ZC3H13: variants seen among roughly 807,000 people sequenced by gnomAD.
The protein encoded by ZC3H13 is zinc finger CCCH-type containing 13.
ZC3H13 carries 64 observed loss-of-function variants against 204.1 expected under a neutral mutation model. That is an observed-to-expected ratio of 0.31 (90% CI 0.26 to 0.39). The LOEUF is 0.39. Among genes scored for constraint, ZC3H13 ranks in the 10% least tolerant of loss-of-function variants. The probability of loss-of-function intolerance (pLI) is 1.00; values close to 1 mark genes in which losing one functional copy is unlikely to be tolerated. For missense variants in ZC3H13, 1,833 were observed against 2,082.7 expected, an observed-to-expected ratio of 0.88 and a Z score of 2.33; for synonymous variants, 667 against 693.7, an observed-to-expected ratio of 0.96 and a Z score of 0.60.
In ZC3H13 at chr13:46,006,891, G is replaced by T. The variant is rs146800677; in HGVS notation, c.746+3457C>A. Among the ~76,000 whole-genome samples the T allele has an allele frequency of 2.6e-3, 389 of 151,208 alleles. 1 individual carries two copies. Among genetic ancestry groups the T allele is most frequent in the African/African-American group, 9.2e-3 (377 of 41,138 alleles). On this transcript the variant is annotated intron_variant, in intron 7 of 18. Coordinates refer to ENST00000679008, the MANE Select transcript of ZC3H13 (RefSeq NM_001330564.2). ...TACTAAAATATGACGACTAAATCTA[G>T]TTTTCATCCTTGTCTTCTGCCAACA... is the stretch of plus-strand genomic sequence containing the variant.
At chr13:46,020,694 AC>A in intron 4 of ZC3H13, 137 bp from the exon 5 acceptor site, 1 of 602,328 alleles carries the variant, frequency 1.7e-6, no homozygotes, top group Non-Finnish European at 2.8e-6. Context: ...TCACTTATCC[AC>A]TAAGTAGAGA....
chr13:46,033,369 G>A (rs1311544366), intron 4 of ZC3H13, among the ~76,000 whole-genome samples: 1 of 151,942 alleles, frequency 6.6e-6, no homozygotes, highest in East Asian at 1.9e-4. Flanking sequence ...GAACTATATA[G>A]AAACCTTAAG....
At chr13:46,000,089 C>A (rs2040630492) in intron 8 of ZC3H13, among the ~76,000 whole-genome samples, 1 of 152,174 alleles carries the variant, frequency 6.6e-6, no homozygotes, top group Non-Finnish European at 1.5e-5. Flanking sequence ...CTTAAGAGCA[C>A]AGGCAAAGTA....
intron 4 of ZC3H13, among the ~76,000 whole-genome samples, chr13:46,020,871 A>C (rs558441177): frequency 6.6e-6 from 1 of 152,228 alleles, no homozygotes; most frequent in Non-Finnish European, 1.5e-5. Flanking sequence ...AGATGTAAAA[A>C]TATACAATGC....
intron 8 of ZC3H13, among the ~76,000 whole-genome samples, chr13:45,995,990 C>T (rs1361952797): frequency 6.6e-6 from 1 of 152,158 alleles, no homozygotes; most frequent in African/African-American, 2.4e-5. Flanking sequence ...TACAACCTAG[C>T]ATTATGATTA....
At position 46,042,206 on chromosome 13, in the gene ZC3H13, C is replaced by A; in HGVS notation, c.297G>T (p.Glu99Asp). 1 of 1,613,572 alleles carries A rather than the reference C, an allele frequency of 6.2e-7. No homozygotes were observed. The highest frequency in any genetic ancestry group is 8.5e-7 in the Non-Finnish European group (1 of 1,179,584). ...MKNKRQDVDT[E>D]PQKRNTEESS... ...ACTCCTCTGTATTTCGTTTCTGGGGCTCAGTGTCCACGTCTTGGCGCTTGT... is the reference window on the plus strand; with the variant it reads ...ACTCCTCTGTATTTCGTTTCTGGGGATCAGTGTCCACGTCTTGGCGCTTGT... The change falls in exon 4 of 19, where the codon GAG (glutamate) becomes GAT (aspartate). Residue 99 changes from glutamate (E) to aspartate (D), a missense_variant. Physicochemically the swap from Glu to Asp is conservative, Grantham distance 45 (BLOSUM62 2). This residue lies in a region of ZC3H13 where 1,574 missense variants were observed against 1,757.2 expected (regional missense o/e 0.90). Coordinates refer to ENST00000679008, the MANE Select transcript of ZC3H13 (RefSeq NM_001330564.2).
At chr13:45,987,916 T>C (rs1052564387) in intron 9 of ZC3H13, among the ~76,000 whole-genome samples, 3 of 152,150 alleles carry the variant, frequency 2.0e-5, no homozygotes, top group Admixed American at 6.5e-5. Flanking sequence ...CAGGTAACAA[T>C]AAAATCTCAG....
rs140151654 is a variant in ZC3H13, at chr13:45,993,450, T to C, written c.945-4353A>G. Among the ~76,000 whole-genome samples the C allele has an allele frequency of 2.7e-3, 412 of 151,862 alleles. 4 individuals are homozygous for C. Among genetic ancestry groups the C allele is most frequent in the African/African-American group, 9.3e-3 (384 of 41,432 alleles). ...TTAGGATCAATAAGCACAAAGGAGGTAGGAGGGATCTTGATGTATAAGAAT... is the reference window on the plus strand; with the variant it reads ...TTAGGATCAATAAGCACAAAGGAGGCAGGAGGGATCTTGATGTATAAGAAT... On this transcript the variant is annotated intron_variant, in intron 8 of 18. Coordinates refer to ENST00000679008, the MANE Select transcript of ZC3H13 (RefSeq NM_001330564.2).
intron 4 of ZC3H13, among the ~76,000 whole-genome samples, chr13:46,038,396 C>G (rs768057343): frequency 1.3e-5 from 2 of 152,126 alleles, no homozygotes; most frequent in African/African-American, 4.8e-5. Context: ...GCATTTTGCT[C>G]GTATCTTTCT....
rs944629796 is a variant in ZC3H13, at chr13:46,008,262, T to C, written c.746+2086A>G. 3.3e-5 allele frequency among the ~76,000 whole-genome samples: 5 copies of C among 151,240 alleles called. 1 individual carries two copies. The highest frequency in any genetic ancestry group is 3.3e-4 in the Admixed American group (5 of 15,172). ...TGATAGTATGATCCAGCAATAAAAT[T>C]AAAAGATGATTACTTGACACACTCT... On this transcript the variant is annotated intron_variant, in intron 7 of 18. Coordinates refer to ENST00000679008, the MANE Select transcript of ZC3H13 (RefSeq NM_001330564.2).
intron 1 of ZC3H13, among the ~76,000 whole-genome samples, chr13:46,049,150 CAA>C (rs58915210): frequency 6.5e-5 from 6 of 91,832 alleles, no homozygotes; most frequent in Admixed American, 1.2e-4. Flanking sequence ...GACTCCGTCT[CAA>C]AAAAAAAAAA....
chr13:45,988,489 C>A (rs570196289), intron 9 of ZC3H13, among the ~76,000 whole-genome samples: 39 of 152,232 alleles, frequency 2.6e-4, no homozygotes, highest in African/African-American at 8.7e-4. Context: ...AATCTCCTGA[C>A]CGCATGATCC....
At chr13:45,957,413 AT>A (rs2137686148) in intron 18 of ZC3H13, 116 bp from the exon 19 acceptor site, 1 of 1,011,280 alleles carries the variant, frequency 9.9e-7, no homozygotes, top group Non-Finnish European at 1.3e-6. Context: ...CATTTTGGAT[AT>A]TAAATTAGCT....
At chr13:45,994,746 TAA>T (rs1207562130) in intron 8 of ZC3H13, among the ~76,000 whole-genome samples, 1 of 152,172 alleles carries the variant, frequency 6.6e-6, no homozygotes, top group South Asian at 2.1e-4. Context: ...TGGAACCAGT[TAA>T]AGTTACTACT....
chr13:46,037,303 T>A (rs1237665258), intron 4 of ZC3H13, among the ~76,000 whole-genome samples: 6 of 152,308 alleles, frequency 3.9e-5, no homozygotes, highest in Non-Finnish European at 8.8e-5. Flanking sequence ...ATGTAAGACT[T>A]AGGTAAGCAA....
At chr13:46,034,657 G>A (rs1403201704) in intron 4 of ZC3H13, among the ~76,000 whole-genome samples, 1 of 152,226 alleles carries the variant, frequency 6.6e-6, no homozygotes, top group Non-Finnish European at 1.5e-5. Flanking sequence ...CTTGATTGTG[G>A]TGGTAGTTAT....
intron 10 of ZC3H13, among the ~76,000 whole-genome samples, chr13:45,985,075 G>A (rs562310335): frequency 2.2e-4 from 33 of 152,284 alleles, no homozygotes; most frequent in Admixed American, 1.9e-3. Context: ...TGATAGGCAT[G>A]ACTGGATATA....
chr13:45,977,134 T>C (rs1953119555), intron 11 of ZC3H13, among the ~76,000 whole-genome samples: 1 of 152,200 alleles, frequency 6.6e-6, no homozygotes, highest in Admixed American at 6.5e-5. Flanking sequence ...AGATGGTAGA[T>C]GCATTAGAAG....
Position 45,957,423 on chromosome 13 carries a change from C to T in ZC3H13, c.4840-126G>A, listed in dbSNP as rs966601998. 5.1e-6 allele frequency: 5 copies of T among 982,802 alleles called. No homozygotes were observed. In the African/African-American group the frequency reaches 6.7e-5, roughly 13 times the overall value. The allele number at this position is 982,802 out of a possible 1,614,324, so 60.9% of individuals were successfully genotyped here. A position where few individuals can be genotyped will look rare whatever the true frequency, so the allele number is the denominator to read the frequency against. Reference sequence around the variant, plus strand: ...TATTTCATTTTGGATATTAAATTAGCTTTATTGGATTTCAAAGCAAAATTA... The same window carrying T: ...TATTTCATTTTGGATATTAAATTAGTTTTATTGGATTTCAAAGCAAAATTA... On this transcript the variant is annotated intron_variant, in intron 18 of 18. Coordinates refer to ENST00000679008, the MANE Select transcript of ZC3H13 (RefSeq NM_001330564.2).
Sources: gnomAD v4.1 joint callset for allele counts (sites outside exome capture counted in the v4.1 genomes callset) on GRCh38, gnomAD v4.1.1 for gene constraint, gnomAD v4.1.1 regional missense constraint, MANE v1.5 for transcripts, NCBI Gene and HGNC (gene_info 2026-07-23, HGNC 2026-07-21) for gene names.